HS6ST2: variants seen among roughly 807,000 people sequenced by gnomAD.
HS6ST2 encodes the protein heparan sulfate 6-O-sulfotransferase 2, also known as heparan-sulfate 6-O-sulfotransferase 2.
Under a neutral mutation model 33.0 loss-of-function variants are expected in HS6ST2, and 17 were observed. The ratio of observed to expected loss-of-function variants is 0.52; its 90% CI spans 0.35 to 0.77. HS6ST2 has a LOEUF of 0.77. Ranked by LOEUF, HS6ST2 falls within the 30% of genes least tolerant of loss-of-function variation. The pLI, the probability that HS6ST2 is intolerant of heterozygous loss-of-function variation, is 0.01. For synonymous variants in HS6ST2, 248 were observed against 237.1 expected (o/e 1.05, Z -0.42); for missense variants, 519 against 551.7 (o/e 0.94, Z 0.59).
At chrX:132,663,838 C>T (rs1291083841) in intron 4 of HS6ST2, among the ~76,000 whole-genome samples, 2 of 111,515 alleles carry the variant, frequency 1.8e-5, no homozygotes, top group East Asian at 5.6e-4. Flanking sequence ...CAGTCACAAC[C>T]CAATGTCTTA....
At chrX:132,883,810 T>C (rs1429813222) in intron 2 of HS6ST2, among the ~76,000 whole-genome samples, 3 of 111,572 alleles carry the variant, frequency 2.7e-5, no homozygotes. Context: ...GCACCCAGCA[T>C]CTGCCACCAA....
intron 2 of HS6ST2, among the ~76,000 whole-genome samples, chrX:132,808,139 A>G (rs1041699635): frequency 2.7e-5 from 3 of 111,489 alleles, no homozygotes; most frequent in Non-Finnish European, 3.8e-5. Context: ...AATGAAAATC[A>G]CTATCTGAAT....
chrX:132,854,654 C>G (rs2065835259), intron 2 of HS6ST2, among the ~76,000 whole-genome samples: 1 of 112,652 alleles, frequency 8.9e-6, no homozygotes, highest in African/African-American at 3.2e-5. Context: ...TTAATAGACA[C>G]AAGGAACCTT....
chrX:132,730,287 C>G (rs2064444243), intron 2 of HS6ST2, among the ~76,000 whole-genome samples: 1 of 112,087 alleles, frequency 8.9e-6, no homozygotes, highest in East Asian at 2.8e-4. Flanking sequence ...CTGTGCGTTC[C>G]AGACTGAGCC....
At chrX:132,844,905 G>A (rs999164097) in intron 2 of HS6ST2, among the ~76,000 whole-genome samples, 2 of 109,547 alleles carry the variant, frequency 1.8e-5, no homozygotes, top group African/African-American at 6.6e-5. Context: ...AGCACCATAC[G>A]TCGTGCTAGA....
At chrX:132,901,456 T>TA (rs1285422440) in intron 2 of HS6ST2, among the ~76,000 whole-genome samples, 5 of 111,507 alleles carry the variant, frequency 4.5e-5, no homozygotes, top group Non-Finnish European at 9.4e-5. Context: ...CATGAAATCT[T>TA]AAAAATAATC....
chrX:132,794,040 T>C (rs1451547158), intron 2 of HS6ST2, among the ~76,000 whole-genome samples: 2 of 113,022 alleles, frequency 1.8e-5, no homozygotes, highest in African/African-American at 6.4e-5. Context: ...GCACCTCATT[T>C]GGTCTGCGTG....
At chrX:132,949,067 T>C (rs1167747492) in intron 2 of HS6ST2, among the ~76,000 whole-genome samples, 1 of 111,738 alleles carries the variant, frequency 8.9e-6, no homozygotes, top group Non-Finnish European at 1.9e-5. Flanking sequence ...AATACTCTTA[T>C]GCAGTGAAAC....
chrX:132,664,868 C>T (rs993149620), intron 4 of HS6ST2, among the ~76,000 whole-genome samples: 5 of 111,974 alleles, frequency 4.5e-5, no homozygotes, highest in African/African-American at 6.5e-5. Context: ...GAATGTCATA[C>T]GTAGATGTAG....
intron 2 of HS6ST2, among the ~76,000 whole-genome samples, chrX:132,741,134 G>A (rs1022609478): frequency 9.0e-6 from 1 of 111,597 alleles, no homozygotes; most frequent in Non-Finnish European, 1.9e-5. Flanking sequence ...TGGGAACCCT[G>A]AATTGCCCAA....
chrX:132,905,496 C>G (rs764124459), intron 2 of HS6ST2, among the ~76,000 whole-genome samples: 15 of 112,309 alleles, frequency 1.3e-4, no homozygotes, highest in African/African-American at 4.8e-4. Flanking sequence ...ATTCTTTCAC[C>G]ACTGATCTGC....
intron 2 of HS6ST2, among the ~76,000 whole-genome samples, chrX:132,943,262 C>T (rs779235423): frequency 2.7e-5 from 3 of 111,632 alleles, no homozygotes; most frequent in African/African-American, 9.7e-5. Context: ...GGAGATTTGT[C>T]TGAGAATTTA....
intron 2 of HS6ST2, among the ~76,000 whole-genome samples, chrX:132,898,213 C>T (rs985528395): frequency 4.6e-5 from 5 of 109,659 alleles, no homozygotes; most frequent in East Asian, 5.7e-4. Context: ...TTGTCTTCTA[C>T]GAAACTGTTC....
At chrX:132,892,093 T>C (rs941929946) in intron 2 of HS6ST2, among the ~76,000 whole-genome samples, 12 of 112,252 alleles carry the variant, frequency 1.1e-4, no homozygotes, top group African/African-American at 3.9e-4. Flanking sequence ...TGGTGTGAGA[T>C]GGTATCTCAT....
At chrX:132,793,048 C>CTTTTTTTTTTTTTTTT in intron 2 of HS6ST2, among the ~76,000 whole-genome samples, 1 of 53,247 alleles carries the variant, frequency 1.9e-5, no homozygotes, top group Non-Finnish European at 3.1e-5. Context: ...AAATAAACTC[C>CTTTTTTTTTTTTTTTT]TTTTTTTTTT....
chrX:132,717,537 T>G (rs1916523375), intron 2 of HS6ST2, among the ~76,000 whole-genome samples: 1 of 112,387 alleles, frequency 8.9e-6, no homozygotes, highest in Non-Finnish European at 1.9e-5. Context: ...TCCAAAGATC[T>G]GAGTGTCCGG....
intron 2 of HS6ST2, among the ~76,000 whole-genome samples, chrX:132,794,747 C>G (rs1320983648): frequency 9.0e-6 from 1 of 111,073 alleles, no homozygotes; most frequent in Admixed American, 9.6e-5. Context: ...TTGCAATGAT[C>G]CAGCAGTGCC....
At chrX:132,814,587 C>A (rs2148369628) in intron 2 of HS6ST2, among the ~76,000 whole-genome samples, 1 of 111,682 alleles carries the variant, frequency 9.0e-6, no homozygotes, top group East Asian at 2.8e-4. Flanking sequence ...GATCTCGGCT[C>A]ACTTCTCTGC....
At chrX:132,920,147 A>C (rs952613369) in intron 2 of HS6ST2, among the ~76,000 whole-genome samples, 12 of 111,242 alleles carry the variant, frequency 1.1e-4, no homozygotes, top group African/African-American at 3.9e-4. Flanking sequence ...AAAATTTCTG[A>C]GATAGATTCG....
Sources: gnomAD v4.1 joint callset for allele counts (sites outside exome capture counted in the v4.1 genomes callset) on GRCh38, gnomAD v4.1.1 for gene constraint, MANE v1.5 for transcripts, NCBI Gene and HGNC (gene_info 2026-07-23, HGNC 2026-07-21) for gene names.